Variants in CATSPERT observed in about 807,000 individuals in gnomAD.
The protein encoded by CATSPERT is cation channel sperm-associated targeting subunit tau.
the CATSPERT span, chr2:201,487,530 A>G: frequency 2.4e-6 from 3 of 1,275,432 alleles, no homozygotes; most frequent in Non-Finnish European, 3.2e-6. Context: ...TTGTTAATGG[A>G]GAAGTGATAT....
the CATSPERT span, among the ~76,000 whole-genome samples, chr2:201,604,169 G>A: frequency 6.6e-6 from 1 of 151,240 alleles, no homozygotes; most frequent in African/African-American, 2.4e-5. Flanking sequence ...GTGTGTGTGT[G>A]AAAGAGAGAG....
the CATSPERT span, chr2:201,565,958 C>T: frequency 8.0e-7 from 1 of 1,248,114 alleles, no homozygotes; most frequent in Middle Eastern, 2.2e-4. Context: ...TTGAACCCTT[C>T]TCTTTTACAC....
chr2:201,515,222 T>TAG, the CATSPERT span, among the ~76,000 whole-genome samples: 83 of 60,848 alleles, frequency 1.4e-3, 13 homozygotes, highest in African/African-American at 7.0e-3. Context: ...TTTTTTTTTT[T>TAG]TTTTTTTTTT....
chr2:201,598,827 C>A, the CATSPERT span, among the ~76,000 whole-genome samples: 1 of 152,066 alleles, frequency 6.6e-6, no homozygotes, highest in Non-Finnish European at 1.5e-5. Flanking sequence ...GTGATCTGCT[C>A]TCCTCGGCCT....
the CATSPERT span, among the ~76,000 whole-genome samples, chr2:201,567,242 C>T: frequency 6.6e-6 from 1 of 152,152 alleles, no homozygotes; most frequent in East Asian, 1.9e-4. Context: ...TCCTCCTTTC[C>T]CCTTCTGTCA....
the CATSPERT span, among the ~76,000 whole-genome samples, chr2:201,570,715 C>G: frequency 6.6e-6 from 1 of 152,150 alleles, no homozygotes; most frequent in African/African-American, 2.4e-5. Context: ...CCTCATTGCT[C>G]TCCTCCTTGC....
At chr2:201,524,044 G>C in the CATSPERT span, among the ~76,000 whole-genome samples, 2 of 152,208 alleles carry the variant, frequency 1.3e-5, no homozygotes, top group East Asian at 3.9e-4. Context: ...AAGGGAGAGA[G>C]AGCAAGCAAC....
At chr2:201,531,109 CG>C in the CATSPERT span, among the ~76,000 whole-genome samples, 1 of 151,532 alleles carries the variant, frequency 6.6e-6, no homozygotes, top group South Asian at 2.1e-4. Flanking sequence ...TACAGGCGCC[CG>C]CCACCACGCC....
At chr2:201,550,222 T>C in the CATSPERT span, 117 of 152,264 alleles carry the variant, frequency 7.7e-4, 1 homozygote, top group African/African-American at 2.7e-3. Context: ...GCTCAGAAAT[T>C]TGTGGATCAA....
chr2:201,510,908 A>G, the CATSPERT span, among the ~76,000 whole-genome samples: 1 of 152,262 alleles, frequency 6.6e-6, no homozygotes, highest in Non-Finnish European at 1.5e-5. Context: ...GTTAAAAAAC[A>G]TAAATAGCAA....
At chr2:201,584,116 C>T in the CATSPERT span, among the ~76,000 whole-genome samples, 20 of 151,426 alleles carry the variant, frequency 1.3e-4, no homozygotes, top group Non-Finnish European at 2.2e-4. Flanking sequence ...TGGCAAAATC[C>T]CATCTCTACA....
chr2:201,534,268 C>T, the CATSPERT span: 191 of 385,454 alleles, frequency 5.0e-4, 1 homozygote, highest in Middle Eastern at 0.014. Flanking sequence ...TAACATCCAA[C>T]ATCAAGTGGA....
the CATSPERT span, among the ~76,000 whole-genome samples, chr2:201,593,433 C>T: frequency 8.6e-5 from 13 of 151,300 alleles, no homozygotes; most frequent in East Asian, 1.9e-4. Flanking sequence ...AGGTGTGTTA[C>T]GGTGCTGAAA....
chr2:201,487,709 C>T, the CATSPERT span: 40 of 1,613,994 alleles, frequency 2.5e-5, 1 homozygote, highest in East Asian at 1.8e-4. Context: ...AACCATTCGA[C>T]GACTTGTAAA....
chr2:201,559,029 C>T, the CATSPERT span, among the ~76,000 whole-genome samples: 1 of 152,192 alleles, frequency 6.6e-6, no homozygotes, highest in African/African-American at 2.4e-5. Context: ...TTAAGCTGGC[C>T]AAACTGCTGC....
chr2:201,565,557 C>A, the CATSPERT span, among the ~76,000 whole-genome samples: 6 of 152,002 alleles, frequency 3.9e-5, no homozygotes, highest in Non-Finnish European at 8.8e-5. Context: ...CCTAAATTGA[C>A]AAGTAAAAAT....
chr2:201,517,599 T>G, the CATSPERT span, among the ~76,000 whole-genome samples: 1 of 152,194 alleles, frequency 6.6e-6, no homozygotes, highest in Admixed American at 6.5e-5. Context: ...ATATTATTTA[T>G]AGTAAAGCCC....
chr2:201,581,387 G>A, the CATSPERT span, among the ~76,000 whole-genome samples: 1 of 143,830 alleles, frequency 7.0e-6, no homozygotes, highest in Non-Finnish European at 1.5e-5. Context: ...GTTAGTTAGT[G>A]ATACAACCTA....
At chr2:201,492,166 T>C in the CATSPERT span, 9 of 1,524,906 alleles carry the variant, frequency 5.9e-6, no homozygotes, top group Non-Finnish European at 7.9e-6. Context: ...AGTGGTTTGT[T>C]GAACAATTCT....
Sources: allele counts gnomAD v4.1 joint callset (sites outside exome capture counted in the v4.1 genomes callset), GRCh38; gene constraint gnomAD v4.1.1; transcripts MANE v1.5; gene names NCBI Gene and HGNC (gene_info 2026-07-23, HGNC 2026-07-21).